The following TOPBP1 variants were observed in gnomAD, a reference collection of about 807,000 sequenced individuals.
TOPBP1 encodes DNA topoisomerase II binding protein 1.
TOPBP1 carries 28 observed loss-of-function variants against 167.7 expected under a neutral mutation model. That is an observed-to-expected ratio of 0.17 (90% CI 0.12 to 0.23). TOPBP1 has a LOEUF of 0.23. TOPBP1 is among the 10% of genes least tolerant of loss of function. The pLI is 1.00. For synonymous variants in TOPBP1, 598 were observed against 611.4 expected, an observed-to-expected ratio of 0.98 and a Z score of 0.32; for missense variants, 1,554 against 1,809.6, an observed-to-expected ratio of 0.86 and a Z score of 2.56.
At chr3:133,605,302 T>C (rs966123886) in intron 27 of TOPBP1, among the ~76,000 whole-genome samples, 62 of 149,710 alleles carry the variant, frequency 4.1e-4, no homozygotes, top group Non-Finnish European at 1.8e-4. Flanking sequence ...CCCAACTTGT[T>C]TGTGATGCCA....
At chr3:133,611,192 G>A (rs1287127321) in intron 24 of TOPBP1, 51 bp from the exon 25 acceptor site, 1 of 1,571,932 alleles carries the variant, frequency 6.4e-7, no homozygotes, top group Non-Finnish European at 8.6e-7. Flanking sequence ...GGGAGCCACT[G>A]TGCAACATAC....
chr3:133,622,079 A>G (rs540706058), intron 19 of TOPBP1, among the ~76,000 whole-genome samples: 64 of 152,046 alleles, frequency 4.2e-4, no homozygotes, highest in African/African-American at 1.3e-3. Context: ...AAAGCAAGAA[A>G]GAAAAAGACT....
intron 19 of TOPBP1, among the ~76,000 whole-genome samples, chr3:133,622,468 C>T (rs1472409172): frequency 4.0e-5 from 6 of 151,216 alleles, no homozygotes; most frequent in Non-Finnish European, 4.4e-5. Flanking sequence ...GCTGGGATTA[C>T]AGACACGAGC....
intron 14 of TOPBP1, among the ~76,000 whole-genome samples, chr3:133,632,683 G>A (rs1322113659): frequency 2.6e-5 from 4 of 152,158 alleles, no homozygotes; most frequent in African/African-American, 9.7e-5. Context: ...AGATCCCAAT[G>A]CCTCTCAGAC....
In TOPBP1 at chr3:133,649,899, T is replaced by C. The variant is rs1158661420; in HGVS notation, c.1134A>G (p.Arg378=). ...CTCCACCTCCACTGTTAATAAGTCT[T>C]CTCAGTTTATCTAGCTTTCTGCCAC... ...GFSGRKLDKL[R]RLINSGGGVR... is the part of the protein sequence containing the mutation. The change falls in exon 9 of 28, where the codon AGA becomes AGG. Residue 378 remains arginine (R), a synonymous_variant. Coordinates refer to ENST00000260810, the MANE Select transcript of TOPBP1 (RefSeq NM_007027.4). 1 of 1,607,646 alleles carries C rather than the reference T, an allele frequency of 6.2e-7. No individual in the cohort carries two copies. The highest frequency in any genetic ancestry group is 1.1e-5 in the South Asian group (1 of 88,820).
chr3:133,640,466 A>G (rs980924611), intron 12 of TOPBP1, among the ~76,000 whole-genome samples: 5 of 152,200 alleles, frequency 3.3e-5, no homozygotes, highest in African/African-American at 1.2e-4. Context: ...ACTGGAGTGC[A>G]GTGGCACAAT....
At position 133,612,393 on chromosome 3, in the gene TOPBP1, A is replaced by G; in HGVS notation, c.4031T>C (p.Val1344Ala). 5.0e-6 allele frequency: 8 copies of G among 1,613,824 alleles called. No individual in the cohort carries two copies. Among genetic ancestry groups the G allele is most frequent in the Non-Finnish European group, 6.8e-6 (8 of 1,179,800 alleles). The change falls in exon 24 of 28, where the codon GTG becomes GCG. Residue 1344 changes from valine (V) to alanine (A), a missense_variant. By Grantham distance (64) the Val-to-Ala change is moderately conservative. Transcript: ENST00000260810. ...TCCACAAATCTGAATACACACCTGC[A>G]CGAAGTGTCCAGCAGTCCTGCAGGC... Reference protein sequence around the residue: ...LEACRTAGHFVQEEDYEWGSS... With the variant: ...LEACRTAGHFAQEEDYEWGSS...
In TOPBP1 at chr3:133,640,086, G is replaced by A. The variant is rs371051031; in HGVS notation, c.2106C>T (p.Gly702=). The change falls in exon 13 of 28, where the codon GGC becomes GGT. Residue 702 remains glycine, a synonymous_variant. Coordinates refer to ENST00000260810, the MANE Select transcript of TOPBP1 (RefSeq NM_007027.4). The part of the protein sequence containing the change: ...STHLILKERG[G]SKYEAAKKWN... Reference sequence around the variant, plus strand: ...ACTTCTTTGCAGCTTCATATTTAGAGCCACCACGTTCTTTCAGTATAAGAT... The same window carrying A: ...ACTTCTTTGCAGCTTCATATTTAGAACCACCACGTTCTTTCAGTATAAGAT... 6.2e-7 allele frequency: 1 copy of A among 1,613,618 alleles called. No homozygotes were observed. Among genetic ancestry groups the A allele is most frequent in the African/African-American group, 1.3e-5 (1 of 74,874 alleles).
At chr3:133,647,679 A>T (rs1936126034) in intron 10 of TOPBP1, among the ~76,000 whole-genome samples, 1 of 152,236 alleles carries the variant, frequency 6.6e-6, no homozygotes, top group Admixed American at 6.5e-5. Context: ...TATTTTTAAA[A>T]GTAAAAAAAT....
intron 5 of TOPBP1, 78 bp downstream of exon 5, chr3:133,656,597 CA>C: frequency 7.2e-7 from 1 of 1,384,028 alleles, no homozygotes; most frequent in Non-Finnish European, 9.7e-7. Context: ...ATAGTAAGTC[CA>C]AAGAGTATAT....
At chr3:133,648,762 C>T (rs550803216) in intron 10 of TOPBP1, among the ~76,000 whole-genome samples, 1 of 152,006 alleles carries the variant, frequency 6.6e-6, no homozygotes, top group Non-Finnish European at 1.5e-5. Flanking sequence ...CATGCCACTA[C>T]ACTCCAGCCT....
intron 1 of TOPBP1, among the ~76,000 whole-genome samples, chr3:133,661,488 G>A (rs1450922748): frequency 6.6e-6 from 1 of 152,204 alleles, no homozygotes; most frequent in Non-Finnish European, 1.5e-5. Context: ...CGGCCTGCGA[G>A]GTACGTTCAT....
In TOPBP1 at chr3:133,661,081, G is replaced by A; in HGVS notation, c.47C>T (p.Ser16Phe). 1 of 1,601,606 alleles carries A rather than the reference G, an allele frequency of 6.2e-7. No homozygotes were observed. Among genetic ancestry groups the A allele is most frequent in the Middle Eastern group, 1.7e-4 (1 of 6,016 alleles). Residue 16 changes from serine to phenylalanine, a missense_variant, in exon 2 of 28, where the codon TCT becomes TTT. Physicochemically the swap from Ser to Phe is radical, Grantham distance 155. Coordinates refer to ENST00000260810, the MANE Select transcript of TOPBP1 (RefSeq NM_007027.4). Reference sequence around the variant, plus strand: ...AAAAAAACATTTGGAATTGTCTGAAGACTTTAAAAACTTCACAAAAAACGG... The same window carrying A: ...AAAAAAACATTTGGAATTGTCTGAAAACTTTAAAAACTTCACAAAAAACGG... Reference protein sequence around the residue: ...KEPFFVKFLKSSDNSKCFFKA... With the variant: ...KEPFFVKFLKFSDNSKCFFKA...
At chr3:133,604,293 C>A (rs900252165) in intron 27 of TOPBP1, among the ~76,000 whole-genome samples, 14 of 151,742 alleles carry the variant, frequency 9.2e-5, no homozygotes, top group African/African-American at 3.1e-4. Flanking sequence ...CGCCACCACA[C>A]CCCGCTAATT....
chr3:133,620,037 G>C (rs1390554459), intron 20 of TOPBP1, 118 bp downstream of exon 20: 25 of 1,105,446 alleles, frequency 2.3e-5, no homozygotes, highest in Non-Finnish European at 3.0e-5. Context: ...TGCATATTGG[G>C]GAAAAAAAGA....
intron 16 of TOPBP1, among the ~76,000 whole-genome samples, chr3:133,626,819 T>C (rs1935286134): frequency 1.3e-5 from 2 of 152,242 alleles, no homozygotes; most frequent in African/African-American, 4.8e-5. Flanking sequence ...TCTGCTACTT[T>C]TTTAAATTAT....
chr3:133,606,621 C>A lies in TOPBP1; in HGVS notation c.4425+1914G>T, dbSNP rs183137592. Among the ~76,000 whole-genome samples the A allele has an allele frequency of 6.5e-3, 988 of 151,008 alleles. 7 individuals are homozygous for A. The highest frequency in any genetic ancestry group is 8.8e-3 in the Non-Finnish European group (598 of 67,900). On this transcript the variant is annotated intron_variant, in intron 27 of 27. Transcript: ENST00000260810. ...ACTAAAATTGTAGTCTTAATACTAG[C>A]TTCAAAAGTTGCTGTACAGCTACAG...
chr3:133,634,463 T>C (rs531368954), intron 14 of TOPBP1, among the ~76,000 whole-genome samples: 15 of 152,212 alleles, frequency 9.9e-5, no homozygotes, highest in African/African-American at 3.6e-4. Flanking sequence ...GAGCTGAGAT[T>C]GTGCCACTGC....
At chr3:133,614,622 G>A (rs1934800599) in intron 23 of TOPBP1, among the ~76,000 whole-genome samples, 1 of 151,960 alleles carries the variant, frequency 6.6e-6, no homozygotes, top group South Asian at 2.1e-4. Context: ...TCTGCTAATT[G>A]CTGTCACTCT....
Sources: gnomAD v4.1 joint callset for allele counts (sites outside exome capture counted in the v4.1 genomes callset) on GRCh38, gnomAD v4.1.1 for gene constraint, MANE v1.5 for transcripts, NCBI Gene and HGNC (gene_info 2026-07-23, HGNC 2026-07-21) for gene names.